The following PHF19 variants were observed in gnomAD, a reference collection of about 807,000 sequenced individuals.
The protein encoded by PHF19 is polycomb like 3.
A neutral mutation model predicts 79.8 loss-of-function variants in PHF19; 21 were observed. The observed-to-expected ratio is 0.26, with a 90% CI of 0.19 to 0.38. The LOEUF (loss-of-function observed/expected upper bound fraction) is 0.38. PHF19 is among the 10% of genes least tolerant of loss of function. The pLI is 1.00. For missense variants in PHF19, 445 were observed against 744.2 expected (o/e 0.60, Z 4.68); for synonymous variants, 273 against 296.3 (o/e 0.92, Z 0.81).
At chr9:120,868,596 T>TG (rs2045778104) in intron 6 of PHF19, 1 of 162,932 alleles carries the variant, frequency 6.1e-6, no homozygotes, top group Admixed American at 6.5e-5. Flanking sequence ...GTAACACCTC[T>TG]GCCCTCCAGC....
the PHF19 span, among the ~76,000 whole-genome samples, chr9:120,900,718 C>A: frequency 1.3e-5 from 2 of 152,172 alleles, no homozygotes; most frequent in Non-Finnish European, 2.9e-5. Context: ...AGGCATATGG[C>A]ACCATGCCCA....
intron 1 of PHF19, among the ~76,000 whole-genome samples, chr9:120,882,854 A>AG (rs1413514188): frequency 1.3e-5 from 2 of 151,596 alleles, no homozygotes; most frequent in Non-Finnish European, 1.5e-5. Context: ...AAAAAAAAAA[A>AG]AAAAAGAAAG....
At chr9:120,884,160 AG>A (rs1266796237) in intron 1 of PHF19, among the ~76,000 whole-genome samples, 1 of 152,232 alleles carries the variant, frequency 6.6e-6, no homozygotes, top group African/African-American at 2.4e-5. Context: ...TTTATCAATT[AG>A]GTCTACATAC....
In PHF19 at chr9:120,862,219, G is replaced by T. The variant is rs752129771; in HGVS notation, c.1131-214C>A. Reference sequence around the variant, plus strand: ...GGAGAAGGTATAGTGGGCAGAAAAAGAAAAGGTGCCTCCCCAGGCACATGC... The same window carrying T: ...GGAGAAGGTATAGTGGGCAGAAAAATAAAAGGTGCCTCCCCAGGCACATGC... On this transcript the variant is annotated intron_variant, in intron 11 of 14. Transcript: ENST00000373896. The surrounding 1 kb of genome is among the most constrained non-coding windows in gnomAD (Gnocchi z 4.6). Among the ~76,000 whole-genome samples, 4 of 152,194 alleles carry T rather than the reference G, an allele frequency of 2.6e-5. No homozygotes were observed. The highest frequency in any genetic ancestry group is 4.4e-5 in the Non-Finnish European group (3 of 68,022).
rs2045576634 is a variant in PHF19 at position 120,862,902 on chromosome 9, T to G, written c.969-153A>C. ...CAGATGCTGACTTCCTCAAAGCCCATGGGATGCGGGGTTCCAGGTAGCAGC... is the reference window on the plus strand; with the variant it reads ...CAGATGCTGACTTCCTCAAAGCCCAGGGGATGCGGGGTTCCAGGTAGCAGC... On this transcript the variant is annotated intron_variant, in intron 10 of 14. Transcript: ENST00000373896. This position sits in a 1 kb window ranked among gnomAD's most constrained non-coding sequence, Gnocchi z 4.6. 1 of 686,416 alleles carries G rather than the reference T, an allele frequency of 1.5e-6. No individual in the cohort carries two copies. Among genetic ancestry groups the G allele is most frequent in the East Asian group, 2.6e-5 (1 of 37,980 alleles). 42.5% of individuals were successfully genotyped at this position (686,416 alleles called of 1,614,324 possible).
intron 1 of PHF19, among the ~76,000 whole-genome samples, chr9:120,888,298 G>C (rs1293034708): frequency 2.0e-5 from 3 of 152,186 alleles, no homozygotes; most frequent in Non-Finnish European, 2.9e-5. Flanking sequence ...TCACACTCAT[G>C]ACCCTTAAAA....
the PHF19 span, among the ~76,000 whole-genome samples, chr9:120,900,028 C>T: frequency 1.3e-5 from 2 of 151,988 alleles, no homozygotes; most frequent in African/African-American, 2.4e-5. Flanking sequence ...GCTCTGTCAC[C>T]CAGGCTGAAG....
chr9:120,869,356 A>G lies in PHF19; in HGVS notation c.466-26T>C. On this transcript the variant is annotated intron_variant, in intron 5 of 14. Coordinates refer to ENST00000373896, the MANE Select transcript of PHF19 (RefSeq NM_015651.3). The surrounding 1 kb of genome is among the most constrained non-coding windows in gnomAD (Gnocchi z 5.8). ...CTGGGGGGAGACGAGGGCCCCAGTC[A>G]ACCACCAGGTCCGGGTGGACCACGC... 6 of 1,607,806 alleles carry G rather than the reference A, an allele frequency of 3.7e-6. No homozygotes were observed. Among genetic ancestry groups the G allele is most frequent in the Non-Finnish European group, 5.1e-6 (6 of 1,177,940 alleles).
intron 9 of PHF19, among the ~76,000 whole-genome samples, chr9:120,864,721 ATAATATG>A (rs1185051513): frequency 6.7e-6 from 1 of 149,960 alleles, no homozygotes; most frequent in Non-Finnish European, 1.5e-5. Flanking sequence ...GAAGATTCTA[ATAATATG>A]GAAAAGTATA....
intron 12 of PHF19, 67 bp downstream of exon 12, chr9:120,861,851 C>T (rs1397885115): frequency 2.7e-6 from 3 of 1,129,818 alleles, no homozygotes; most frequent in Non-Finnish European, 4.1e-6. Flanking sequence ...TAGTTTTCGG[C>T]ACAGGAAGCC....
rs887555896 is a variant in PHF19, at chr9:120,860,292, C to T, written c.1305-107G>A. The T allele has an allele frequency of 3.0e-6, 2 of 672,550 alleles. No homozygotes were observed. The highest frequency in any genetic ancestry group is 5.5e-6 in the Non-Finnish European group (2 of 365,122). The allele number at this position is 672,550 out of a possible 1,614,324, so 41.7% of individuals were successfully genotyped here. A position where few individuals can be genotyped will look rare whatever the true frequency, so the allele number is the denominator to read the frequency against. ...TGCATCCTTCATCCCAGTGGAGGCC[C>T]GTCTTCCCACAGCTGAGCTTCCCAC... On this transcript the variant is annotated intron_variant, in intron 13 of 14. Transcript: ENST00000373896. This position sits in a 1 kb window ranked among gnomAD's most constrained non-coding sequence, Gnocchi z 4.1.
At chr9:120,892,690 T>TC (rs1159939766) in intron 1 of PHF19, among the ~76,000 whole-genome samples, 25 of 152,204 alleles carry the variant, frequency 1.6e-4, no homozygotes, top group Admixed American at 1.6e-3. Context: ...CTTCTGTTTT[T>TC]CGTTTGATGC....
chr9:120,869,818 A>C lies in PHF19; in HGVS notation c.465+27T>G. 6.2e-7 allele frequency: 1 copy of C among 1,612,974 alleles called. No homozygotes were observed. The highest frequency in any genetic ancestry group is 1.1e-5 in the South Asian group (1 of 90,710). On this transcript the variant is annotated intron_variant, in intron 5 of 14. Coordinates refer to ENST00000373896, the MANE Select transcript of PHF19 (RefSeq NM_015651.3). The surrounding 1 kb of genome is among the most constrained non-coding windows in gnomAD (Gnocchi z 5.8). ...CCCCACTGGAGGAGGCAGGAGAGGC[A>C]GGGACTGGGGAGGATGGAAGGCTCA...
intron 1 of PHF19, 170 bp downstream of exon 1, chr9:120,876,921 C>A: frequency 1.0e-6 from 1 of 964,724 alleles, no homozygotes; most frequent in South Asian, 4.8e-5. Flanking sequence ...CCCTCTGCCC[C>A]GCAGGTAACC....
upstream of PHF19, chr9:120,877,409 G>A: frequency 1.0e-6 from 1 of 960,806 alleles, no homozygotes; most frequent in Non-Finnish European, 1.2e-6. Flanking sequence ...GCCCGCGGCC[G>A]CCGGGCTCCG....
chr9:120,867,773 TA>T (rs1372254125), intron 6 of PHF19, among the ~76,000 whole-genome samples: 21 of 152,324 alleles, frequency 1.4e-4, no homozygotes, highest in African/African-American at 4.3e-4. Flanking sequence ...TTGCCCAAGT[TA>T]CCCAGCTGGA....
intron 3 of PHF19, among the ~76,000 whole-genome samples, chr9:120,871,742 G>A (rs1187511512): frequency 6.6e-6 from 1 of 152,106 alleles, no homozygotes. Flanking sequence ...TGTAAGGGTA[G>A]AAATGGGATC....
At chr9:120,877,315 G>C (rs1288705216), upstream of PHF19, 1 of 978,708 alleles carries the variant, frequency 1.0e-6, no homozygotes, top group Non-Finnish European at 1.2e-6. Flanking sequence ...CGGGCGCGGG[G>C]CGCCATCTTT....
chr9:120,864,015 G>A, intron 10 of PHF19, 34 bp downstream of exon 10: 3 of 1,569,046 alleles, frequency 1.9e-6, no homozygotes, highest in Non-Finnish European at 2.6e-6. Flanking sequence ...CCTGTAGAGG[G>A]CCCCACCACA....
Sources: allele counts gnomAD v4.1 joint callset (sites outside exome capture counted in the v4.1 genomes callset), GRCh38; gene constraint gnomAD v4.1.1; non-coding constraint Gnocchi (gnomAD v3.1); transcripts MANE v1.5; gene names NCBI Gene and HGNC (gene_info 2026-07-23, HGNC 2026-07-21).